The following LOXHD1 variants were observed in gnomAD, a reference collection of about 807,000 sequenced individuals.
The protein encoded by LOXHD1 is lipoxygenase homology domain-containing protein 1.
In LOXHD1, 205 loss-of-function variants were observed where a neutral mutation model predicts 248.2. The observed-to-expected ratio is 0.83, with a 90% CI of 0.74 to 0.93. The LOEUF is 0.93. Among genes scored for constraint, LOXHD1 ranks in the 40% least tolerant of loss-of-function variants. The pLI is 0.00. For synonymous variants in LOXHD1, 1,113 were observed against 1,162.8 expected, an observed-to-expected ratio of 0.96 and a Z score of 0.87; for missense variants, 2,930 against 2,971.6, an observed-to-expected ratio of 0.99 and a Z score of 0.33.
chr18:46,553,549 C>T (rs1325250362), intron 21 of LOXHD1, among the ~76,000 whole-genome samples: 1 of 152,198 alleles, frequency 6.6e-6, no homozygotes, highest in Non-Finnish European at 1.5e-5. Flanking sequence ...ACATATTAAC[C>T]ATCATTTTTA....
At position 46,483,594 on chromosome 18, in the gene LOXHD1, C is replaced by A; in HGVS notation, c.6334G>T (p.Gly2112Cys). Residue 2112 changes from glycine to cysteine, a missense_variant, in exon 40 of 41, where the codon GGC (glycine) becomes TGC (cysteine). Coordinates refer to ENST00000642948, the MANE Select transcript of LOXHD1 (RefSeq NM_001384474.1). ...GAGAGGCTCAGTACATACACATTGCCGTACTCCATCTCGGTGATGGTGATG... is the reference window on the plus strand; with the variant it reads ...GAGAGGCTCAGTACATACACATTGCAGTACTCCATCTCGGTGATGGTGATG... Reference protein sequence around the residue: ...KTITITEMEYGNVYFFNCDCL... With the variant: ...KTITITEMEYCNVYFFNCDCL... The A allele has an allele frequency of 6.4e-7, 1 of 1,551,530 alleles. No homozygotes were observed. Among genetic ancestry groups the A allele is most frequent in the Non-Finnish European group, 8.7e-7 (1 of 1,146,956 alleles).
At chr18:46,629,138 C>T (rs948117839) in intron 4 of LOXHD1, among the ~76,000 whole-genome samples, 5 of 152,132 alleles carry the variant, frequency 3.3e-5, no homozygotes, top group Admixed American at 3.3e-4. Flanking sequence ...CTCTAGTAAT[C>T]CTGAAAAGAC....
At chr18:46,590,394 G>A (rs111397166) in intron 12 of LOXHD1, among the ~76,000 whole-genome samples, 2,260 of 152,270 alleles carry the variant, frequency 0.015, 28 homozygotes, top group Non-Finnish European at 0.024. Flanking sequence ...TCCAGATAAT[G>A]TAGAAATAGA....
In LOXHD1 at chr18:46,604,164, C is replaced by T. The variant is rs751292667; in HGVS notation, c.825G>A (p.Leu275=). ...TTTGGATTTTGCCATCGTCTTCGTC[C>T]AAGGCCAGCCAGCGGTTAAGGGGGA... ...YDFPLNRWLA[L]DEDDGKIQRD... Residue 275 remains leucine (L), a synonymous_variant, in exon 7 of 41, where the codon TTG becomes TTA. Coordinates refer to ENST00000642948, the MANE Select transcript of LOXHD1 (RefSeq NM_001384474.1). The T allele has an allele frequency of 1.3e-4, 203 of 1,551,630 alleles. No homozygotes were observed. The highest frequency in any genetic ancestry group is 1.7e-4 in the Non-Finnish European group (194 of 1,147,002).
intron 35 of LOXHD1, among the ~76,000 whole-genome samples, chr18:46,508,714 G>A (rs2034748623): frequency 6.6e-6 from 1 of 152,242 alleles, no homozygotes; most frequent in East Asian, 1.9e-4. Flanking sequence ...GGAGGCTGCA[G>A]GAAGATCATC....
chr18:46,587,169 A>G (rs1361232791), intron 12 of LOXHD1, among the ~76,000 whole-genome samples: 1 of 152,210 alleles, frequency 6.6e-6, no homozygotes, highest in Admixed American at 6.5e-5. Context: ...TAAAATTCAA[A>G]TACTAAATGC....
At chr18:46,572,252 C>T in intron 14 of LOXHD1, 90 bp from the exon 15 acceptor site, 2 of 1,146,994 alleles carry the variant, frequency 1.7e-6, no homozygotes, top group African/African-American at 1.5e-5. Flanking sequence ...ACTATGGAGG[C>T]CCAGAGCTTT....
chr18:46,592,427 G>A, intron 11 of LOXHD1, 71 bp downstream of exon 11: 1 of 1,251,996 alleles, frequency 8.0e-7, no homozygotes, highest in African/African-American at 1.5e-5. Context: ...TTATGTGACA[G>A]GGTCATTGAA....
At chr18:46,515,856 A>G (rs953159342) in intron 34 of LOXHD1, among the ~76,000 whole-genome samples, 1 of 152,224 alleles carries the variant, frequency 6.6e-6, no homozygotes, top group African/African-American at 2.4e-5. Flanking sequence ...GACTTGGGCA[A>G]TGGCCCCCAG....
In LOXHD1 at chr18:46,579,522, G is replaced by C. The variant is rs2037921540; in HGVS notation, c.1809+108C>G. 11 of 1,430,176 alleles carry C rather than the reference G, an allele frequency of 7.7e-6. No individual in the cohort carries two copies. The South Asian group carries it at 1.3e-4, about 17-fold the overall frequency. 88.6% of individuals were successfully genotyped at this position (1,430,176 alleles called of 1,614,324 possible). A position where few individuals can be genotyped will look rare whatever the true frequency, so the allele number is the denominator to read the frequency against. ...CCAGAGTGAGGCTCCTGATGGCTGAGGCCCCAGGACCAGCATCAGCTCAAC... is the reference window on the plus strand; with the variant it reads ...CCAGAGTGAGGCTCCTGATGGCTGACGCCCCAGGACCAGCATCAGCTCAAC... On this transcript the variant is annotated intron_variant, in intron 13 of 40. Transcript: ENST00000642948.
chr18:46,651,312 C>A (rs978043207), intron 1 of LOXHD1, among the ~76,000 whole-genome samples: 10 of 152,146 alleles, frequency 6.6e-5, no homozygotes, highest in African/African-American at 2.4e-4. Flanking sequence ...AACTCCTTGT[C>A]TTTTGTGATA....
At chr18:46,552,877 C>A (rs1173349745) in intron 21 of LOXHD1, among the ~76,000 whole-genome samples, 1 of 152,278 alleles carries the variant, frequency 6.6e-6, no homozygotes, top group East Asian at 1.9e-4. Flanking sequence ...ATTACTCATT[C>A]CTTTCTGTGT....
chr18:46,528,847 C>T (rs967025498), intron 29 of LOXHD1, among the ~76,000 whole-genome samples: 3 of 152,200 alleles, frequency 2.0e-5, no homozygotes, highest in Admixed American at 1.3e-4. Context: ...TTCACCTCCA[C>T]GTTCATGAAC....
intron 34 of LOXHD1, among the ~76,000 whole-genome samples, chr18:46,517,049 C>T (rs993163046): frequency 4.6e-5 from 7 of 152,186 alleles, no homozygotes; most frequent in Admixed American, 6.5e-5. Flanking sequence ...GAAAGGAAGC[C>T]GCCTGGGTCC....
chr18:46,553,949 G>A (rs2037212357), intron 21 of LOXHD1, among the ~76,000 whole-genome samples: 1 of 152,198 alleles, frequency 6.6e-6, no homozygotes, highest in Admixed American at 6.5e-5. Context: ...GAACAGCAAG[G>A]AGTGAGCAAG....
intron 26 of LOXHD1, among the ~76,000 whole-genome samples, chr18:46,536,071 C>A (rs577497146): frequency 2.6e-5 from 4 of 152,184 alleles, no homozygotes; most frequent in African/African-American, 9.7e-5. Flanking sequence ...TTTTAAGACA[C>A]CTTGAGTAAG....
At chr18:46,615,974 T>C (rs2038580838) in intron 5 of LOXHD1, among the ~76,000 whole-genome samples, 1 of 152,232 alleles carries the variant, frequency 6.6e-6, no homozygotes, top group Admixed American at 6.5e-5. Context: ...GCCTTAAAGT[T>C]TCATTTGACA....
chr18:46,576,208 A>T (rs1427167828), intron 14 of LOXHD1, among the ~76,000 whole-genome samples: 1 of 152,212 alleles, frequency 6.6e-6, no homozygotes, highest in Non-Finnish European at 1.5e-5. Context: ...ATATATTTTG[A>T]GTAGATAGGA....
At chr18:46,613,826 A>C (rs2038543824) in intron 5 of LOXHD1, among the ~76,000 whole-genome samples, 1 of 152,234 alleles carries the variant, frequency 6.6e-6, no homozygotes, top group Non-Finnish European at 1.5e-5. Context: ...ATAATAAATT[A>C]TACAAATAGA....
Sources: gnomAD v4.1 joint callset for allele counts (sites outside exome capture counted in the v4.1 genomes callset) on GRCh38, gnomAD v4.1.1 for gene constraint, MANE v1.5 for transcripts, NCBI Gene and HGNC (gene_info 2026-07-23, HGNC 2026-07-21) for gene names.